The following CENPP variants were observed in gnomAD, a reference collection of about 807,000 sequenced individuals.
CENPP encodes the protein centromere protein P.
A neutral mutation model predicts 35.6 loss-of-function variants in CENPP; 24 were observed. The observed-to-expected ratio is 0.67, with a 90% CI of 0.49 to 0.95. CENPP has a LOEUF of 0.95. Ranked by LOEUF, CENPP falls within the 40% of genes least tolerant of loss-of-function variation. The pLI, the probability that CENPP is intolerant of heterozygous loss-of-function variation, is 0.00. For synonymous variants in CENPP, 120 were observed against 125.5 expected (o/e 0.96, Z 0.29); for missense variants, 332 against 345.3 (o/e 0.96, Z 0.31).
chr9:92,560,969 C>T (rs1181916187), intron 5 of CENPP, among the ~76,000 whole-genome samples: 1 of 151,574 alleles, frequency 6.6e-6, no homozygotes, highest in African/African-American at 2.4e-5. Flanking sequence ...TTACTGGTTC[C>T]CCTCCACCAT....
chr9:92,493,896 AG>A, intron 5 of CENPP: 1 of 427,642 alleles, frequency 2.3e-6, no homozygotes. Context: ...CGACATACAC[AG>A]CAAGCCCACA....
chr9:92,592,137 A>G (rs1850679366), intron 5 of CENPP, among the ~76,000 whole-genome samples: 1 of 152,184 alleles, frequency 6.6e-6, no homozygotes, highest in South Asian at 2.1e-4. Context: ...AAATATATAC[A>G]TTATATAAAT....
At chr9:92,414,125 A>G (rs1843519785) in intron 5 of CENPP, 1 of 166,486 alleles carries the variant, frequency 6.0e-6, no homozygotes, top group Non-Finnish European at 1.3e-5. Context: ...CTTAAAAATA[A>G]TACATTAACG....
chr9:92,434,328 G>A (rs1844194216), intron 5 of CENPP, among the ~76,000 whole-genome samples: 1 of 150,942 alleles, frequency 6.6e-6, no homozygotes, highest in Non-Finnish European at 1.5e-5. Context: ...GACCAAGGTT[G>A]CAGTGAGCCA....
intron 5 of CENPP, among the ~76,000 whole-genome samples, chr9:92,455,030 G>T (rs1356594120): frequency 6.6e-6 from 1 of 152,140 alleles, no homozygotes; most frequent in African/African-American, 2.4e-5. Context: ...CTGAGATTTT[G>T]CCCTACCTTC....
intron 5 of CENPP, among the ~76,000 whole-genome samples, chr9:92,608,120 C>T (rs1298530461): frequency 6.6e-6 from 1 of 152,204 alleles, no homozygotes; most frequent in African/African-American, 2.4e-5. Flanking sequence ...CACCACCTTC[C>T]TGACAATATC....
chr9:92,427,133 C>G (rs1843987355), intron 5 of CENPP, among the ~76,000 whole-genome samples: 1 of 152,148 alleles, frequency 6.6e-6, no homozygotes. Context: ...TTGCTGTGAA[C>G]CTAAAACTGC....
At chr9:92,610,100 G>C (rs1217031177) in intron 5 of CENPP, among the ~76,000 whole-genome samples, 1 of 152,196 alleles carries the variant, frequency 6.6e-6, no homozygotes, top group Non-Finnish European at 1.5e-5. Context: ...CTGTCGCCCA[G>C]GCTGGAGTGC....
intron 5 of CENPP, among the ~76,000 whole-genome samples, chr9:92,481,637 GAC>G: frequency 6.6e-6 from 1 of 152,138 alleles, no homozygotes; most frequent in African/African-American, 2.4e-5. Context: ...GTTAAATTCT[GAC>G]TGTATACATG....
chr9:92,562,202 C>CTTTTTTTTTTTT (rs373787447), intron 5 of CENPP, among the ~76,000 whole-genome samples: 2 of 133,454 alleles, frequency 1.5e-5, no homozygotes, highest in African/African-American at 5.7e-5. Flanking sequence ...TCTTTTTTTT[C>CTTTTTTTTTTTT]TTTTCTTTTT....
chr9:92,549,688 A>G (rs1278298924), intron 5 of CENPP, among the ~76,000 whole-genome samples: 3 of 151,864 alleles, frequency 2.0e-5, no homozygotes, highest in East Asian at 1.9e-4. Context: ...ATGACATTCT[A>G]TTGAGAATTT....
intron 4 of CENPP, among the ~76,000 whole-genome samples, chr9:92,374,266 T>C (rs1375505190): frequency 6.7e-6 from 1 of 149,354 alleles, no homozygotes; most frequent in African/African-American, 2.6e-5. Context: ...TGTGTGTGTG[T>C]GTGTGTGTGT....
intron 5 of CENPP, among the ~76,000 whole-genome samples, chr9:92,502,235 A>G (rs1014365182): frequency 1.8e-4 from 28 of 152,334 alleles, no homozygotes; most frequent in African/African-American, 5.8e-4. Context: ...CTAGCTCAGC[A>G]CTTGGCATAT....
At chr9:92,563,205 C>G (rs1314240488) in intron 5 of CENPP, among the ~76,000 whole-genome samples, 1 of 152,118 alleles carries the variant, frequency 6.6e-6, no homozygotes, top group Non-Finnish European at 1.5e-5. Flanking sequence ...TTTTTGGTAG[C>G]CTGCTCTTTT....
intron 4 of CENPP, among the ~76,000 whole-genome samples, chr9:92,357,832 T>C (rs1173111867): frequency 6.8e-6 from 1 of 147,010 alleles, no homozygotes; most frequent in Admixed American, 6.7e-5. Flanking sequence ...TTTTGCAGAA[T>C]AGAAAATTCT....
At chr9:92,390,023 A>G in intron 5 of CENPP, 1 of 1,605,160 alleles carries the variant, frequency 6.2e-7, no homozygotes, top group Non-Finnish European at 8.5e-7. Context: ...ATCTTCTATC[A>G]AATTTCCTGT....
At chr9:92,363,080 T>C (rs544555453) in intron 4 of CENPP, among the ~76,000 whole-genome samples, 2 of 152,180 alleles carry the variant, frequency 1.3e-5, no homozygotes, top group East Asian at 3.9e-4. Context: ...TAGGTGTAGA[T>C]TCAGCAATTT....
intron 5 of CENPP, among the ~76,000 whole-genome samples, chr9:92,446,092 C>A (rs551805824): frequency 6.6e-6 from 1 of 151,288 alleles, no homozygotes; most frequent in African/African-American, 2.4e-5. Flanking sequence ...GAAAAAAAAA[C>A]TCTCCATCAC....
At chr9:92,589,511 C>A (rs1375546231) in intron 5 of CENPP, among the ~76,000 whole-genome samples, 1 of 151,958 alleles carries the variant, frequency 6.6e-6, no homozygotes, top group Non-Finnish European at 1.5e-5. Context: ...GTCTGTCAAC[C>A]CTAACCCAAG....
Sources: gnomAD v4.1 joint callset for allele counts (sites outside exome capture counted in the v4.1 genomes callset) on GRCh38, gnomAD v4.1.1 for gene constraint, MANE v1.5 for transcripts, NCBI Gene and HGNC (gene_info 2026-07-23, HGNC 2026-07-21) for gene names.